The following DIS3L2 variants were observed in gnomAD, a reference collection of about 807,000 sequenced individuals.
DIS3L2 encodes DIS3 like 3'-5' exoribonuclease 2.
In DIS3L2, 34 loss-of-function variants were observed where a neutral mutation model predicts 97.5. That is an observed-to-expected ratio of 0.35 (90% confidence interval 0.27 to 0.46). The LOEUF is 0.46. Ranked by LOEUF, DIS3L2 falls within the 20% of genes least tolerant of loss-of-function variation. The pLI is 1.00. For synonymous variants in DIS3L2, 435 were observed against 445.2 expected (o/e 0.98, Z 0.29); for missense variants, 1,038 against 1,146.0 (o/e 0.91, Z 1.36).
intron 9 of DIS3L2, among the ~76,000 whole-genome samples, chr2:232,192,818 A>G (rs1691651439): frequency 6.6e-6 from 1 of 152,224 alleles, no homozygotes. Context: ...AACCACTGGA[A>G]CTCACTTAAG....
chr2:232,228,564 A>G (rs1259555681), intron 10 of DIS3L2, among the ~76,000 whole-genome samples: 1 of 152,202 alleles, frequency 6.6e-6, no homozygotes, highest in Non-Finnish European at 1.5e-5. Context: ...TACTAAGTTC[A>G]CCTTTATAGA....
Position 232,075,537 on chromosome 2 carries a change from A to AC in DIS3L2, c.367-11947dup, listed in dbSNP as rs544449927. ...CTGAGTCACCTTTGCTTAACTGTCA[A>AC]CCCATATTATGGGTAACCCTCTAAT... On this transcript the variant is annotated intron_variant, in intron 5 of 20. Coordinates refer to ENST00000325385, the MANE Select transcript of DIS3L2 (RefSeq NM_152383.5). 4.8e-3 allele frequency among the ~76,000 whole-genome samples: 731 copies of AC among 152,114 alleles called. 5 individuals carry two copies. The highest frequency in any genetic ancestry group is 6.8e-3 in the Middle Eastern group (2 of 294).
intron 5 of DIS3L2, among the ~76,000 whole-genome samples, chr2:232,060,476 A>G (rs1695674526): frequency 6.6e-6 from 1 of 152,110 alleles, no homozygotes; most frequent in Admixed American, 6.6e-5. Flanking sequence ...TCCCAGCACC[A>G]TTTATTGAAG....
intron 6 of DIS3L2, among the ~76,000 whole-genome samples, chr2:232,121,332 T>C (rs921570000): frequency 1.3e-5 from 2 of 152,232 alleles, no homozygotes. Flanking sequence ...CAGTTTCCTT[T>C]GCAAACTTTT....
intron 14 of DIS3L2, among the ~76,000 whole-genome samples, chr2:232,321,586 G>A (rs566464231): frequency 6.6e-6 from 1 of 152,294 alleles, no homozygotes; most frequent in African/African-American, 2.4e-5. Context: ...CAGCAAAGGA[G>A]AGGCTGCACA....
chr2:232,049,824 C>T (rs907422306), intron 5 of DIS3L2, among the ~76,000 whole-genome samples: 1 of 152,120 alleles, frequency 6.6e-6, no homozygotes, highest in Admixed American at 6.5e-5. Context: ...TGACACTTTG[C>T]GTTGGGCACA....
At chr2:232,164,512 A>G (rs115704761) in intron 9 of DIS3L2, among the ~76,000 whole-genome samples, 2 of 152,272 alleles carry the variant, frequency 1.3e-5, no homozygotes, top group African/African-American at 4.8e-5. Context: ...CTTTTCCACC[A>G]CACTTGCTCG....
downstream of DIS3L2, chr2:232,340,697 C>T (rs1183508378): frequency 2.1e-6 from 1 of 469,376 alleles, no homozygotes; most frequent in Non-Finnish European, 4.4e-6. Flanking sequence ...ACTGGCAAAG[C>T]TCTCAGTTCT....
At chr2:232,034,348 C>G (rs1173753879) in intron 5 of DIS3L2, among the ~76,000 whole-genome samples, 1 of 151,808 alleles carries the variant, frequency 6.6e-6, no homozygotes, top group African/African-American at 2.4e-5. Flanking sequence ...CTATTTGATT[C>G]TTCTCTCTTT....
chr2:232,218,349 G>C (rs1247302152), intron 10 of DIS3L2, among the ~76,000 whole-genome samples: 1 of 152,162 alleles, frequency 6.6e-6, no homozygotes, highest in Non-Finnish European at 1.5e-5. Context: ...ACACTGCTCA[G>C]GTATGTCTGG....
intron 4 of DIS3L2, among the ~76,000 whole-genome samples, chr2:232,024,575 G>C (rs1694607542): frequency 6.6e-6 from 1 of 152,314 alleles, no homozygotes; most frequent in Admixed American, 6.5e-5. Flanking sequence ...AGAGCAGCTG[G>C]ACCCAGGCAG....
chr2:232,126,109 A>C (rs1185574910), intron 6 of DIS3L2, among the ~76,000 whole-genome samples: 1 of 152,100 alleles, frequency 6.6e-6, no homozygotes, highest in East Asian at 1.9e-4. Context: ...CTAGATTCTA[A>C]CCTCAGCTTT....
chr2:232,055,553 T>G (rs1345686404), intron 5 of DIS3L2, among the ~76,000 whole-genome samples: 6 of 152,236 alleles, frequency 3.9e-5, no homozygotes, highest in Non-Finnish European at 5.9e-5. Flanking sequence ...CTTCCCAAAT[T>G]GATTGCTGCA....
chr2:232,027,600 C>T (rs1694694485), intron 4 of DIS3L2, among the ~76,000 whole-genome samples: 1 of 152,164 alleles, frequency 6.6e-6, no homozygotes, highest in Admixed American at 6.5e-5. Flanking sequence ...TGAATTTACA[C>T]AATGTCATTT....
At chr2:232,217,778 T>C (rs1314100131) in intron 10 of DIS3L2, among the ~76,000 whole-genome samples, 12 of 152,212 alleles carry the variant, frequency 7.9e-5, no homozygotes, top group Non-Finnish European at 1.5e-5. Flanking sequence ...CATGCCACCC[T>C]CCAGGAACCT....
chr2:232,279,765 G>A (rs560339063), intron 13 of DIS3L2, among the ~76,000 whole-genome samples: 9 of 151,868 alleles, frequency 5.9e-5, no homozygotes, highest in East Asian at 3.9e-4. Context: ...TCCTGACCTC[G>A]TGATCTGTCC....
At chr2:232,258,597 T>TC (rs1693631333) in intron 12 of DIS3L2, among the ~76,000 whole-genome samples, 2 of 55,078 alleles carry the variant, frequency 3.6e-5, no homozygotes, top group South Asian at 1.9e-3. Context: ...AGACTCTGTC[T>TC]CAAAAAAAAA....
At chr2:231,999,252 C>T (rs1342116489) in intron 1 of DIS3L2, among the ~76,000 whole-genome samples, 1 of 152,102 alleles carries the variant, frequency 6.6e-6, no homozygotes, top group Non-Finnish European at 1.5e-5. Context: ...CGTTTCTACC[C>T]TGGTCTCAGA....
At chr2:231,978,295 A>T (rs1251000535) in intron 1 of DIS3L2, among the ~76,000 whole-genome samples, 1 of 152,214 alleles carries the variant, frequency 6.6e-6, no homozygotes, top group Non-Finnish European at 1.5e-5. Flanking sequence ...CTCCTTTCTG[A>T]GGTAATCTGA....
Sources: gnomAD v4.1 joint callset for allele counts (sites outside exome capture counted in the v4.1 genomes callset) on GRCh38, gnomAD v4.1.1 for gene constraint, MANE v1.5 for transcripts, NCBI Gene and HGNC (gene_info 2026-07-23, HGNC 2026-07-21) for gene names.